The following WDR31 variants were observed in gnomAD, a reference collection of about 807,000 sequenced individuals.
WDR31 encodes WD repeat domain 31.
WDR31 carries 30 observed loss-of-function variants against 47.3 expected under a neutral mutation model. The observed-to-expected ratio is 0.63, with a 90% CI of 0.47 to 0.86. The LOEUF (loss-of-function observed/expected upper bound fraction) is 0.86. Among genes scored for constraint, WDR31 ranks in the 40% least tolerant of loss-of-function variants. The probability of loss-of-function intolerance (pLI) is 0.00; values close to 1 mark genes in which losing one functional copy is unlikely to be tolerated. For synonymous variants in WDR31, 137 were observed against 159.4 expected (o/e 0.86, Z 1.06); for missense variants, 406 against 442.9 (o/e 0.92, Z 0.75).
At position 113,315,930 on chromosome 9, in the gene WDR31, C is replaced by T. The variant is rs1464948407; in HGVS notation, c.*819G>A. The T allele has an allele frequency of 6.6e-6, 1 of 152,146 alleles. No homozygotes were observed. The highest frequency in any genetic ancestry group is 1.5e-5 in the Non-Finnish European group (1 of 68,032). 9.4% of individuals were successfully genotyped at this position (152,146 alleles called of 1,614,324 possible). On this transcript the variant is annotated 3_prime_UTR_variant, in exon 11 of 11. Transcript: ENST00000374193. ...TTGCCTCACTCTGGCCATTCCAAAA[C>T]ATATATATGTTTCATTTATATAAAT... is the stretch of plus-strand genomic sequence containing the variant.
intron 10 of WDR31, 141 bp downstream of exon 10, chr9:113,318,334 G>T (rs890239075): frequency 8.5e-5 from 78 of 917,156 alleles, no homozygotes; most frequent in South Asian, 1.9e-4. Flanking sequence ...ATAGCATCTT[G>T]ACATCACCTC....
rs1464483933 is a variant in WDR31, at chr9:113,320,493, C to T, written c.644G>A (p.Trp215Ter). The change falls in exon 9 of 11, where the codon TGG (tryptophan) becomes TAG (stop). Residue 215 changes from tryptophan (W) to a stop codon, truncating the protein, a stop_gained. Coordinates refer to ENST00000374193, the MANE Select transcript of WDR31 (RefSeq NM_001012361.4). LOFTEE classifies it high-confidence loss of function. ...AGCTACCTGCAGCCCCCGACTGTCC[C>T]ATAATCTGAAAGAGATTAGGGCAGG... The part of the protein sequence containing the change: ...QTSEDKTLRL[W>*]DSRGLQVAHM... 6.2e-7 allele frequency: 1 copy of T among 1,613,544 alleles called. No homozygotes were observed. The highest frequency in any genetic ancestry group is 8.5e-7 in the Non-Finnish European group (1 of 1,179,720).
At position 113,322,884 on chromosome 9, in the gene WDR31, C is replaced by A; in HGVS notation, c.497G>T (p.Arg166Leu). 6.2e-7 allele frequency: 1 copy of A among 1,614,130 alleles called. No individual in the cohort carries two copies. Among genetic ancestry groups the A allele is most frequent in the South Asian group, 1.1e-5 (1 of 91,070 alleles). ...PDSSQLCTGS[R>L]DNTLLLWDVV... ...ATCCCACAGAAGCAGGGTGTTGTCC[C>A]GAGAGCCAGTGCACAGCTGTGATGA... The change falls in exon 7 of 11, where the codon CGG (arginine) becomes CTG (leucine). Residue 166 changes from arginine to leucine, a missense_variant. Arg to Leu is a moderately radical substitution (Grantham distance 102). Coordinates refer to ENST00000374193, the MANE Select transcript of WDR31 (RefSeq NM_001012361.4).
At chr9:113,325,202 G>C (rs1267321064) in intron 5 of WDR31, among the ~76,000 whole-genome samples, 2 of 151,808 alleles carry the variant, frequency 1.3e-5, no homozygotes, top group African/African-American at 2.4e-5. Context: ...TGATCCACCC[G>C]CCTTGGCCTC....
chr9:113,321,369 C>A, intron 8 of WDR31, 142 bp downstream of exon 8: 2 of 779,250 alleles, frequency 2.6e-6, no homozygotes, highest in East Asian at 2.6e-5. Context: ...CAGAGAGGCC[C>A]CAGCACCAGT....
In WDR31 at chr9:113,328,930, G is replaced by A. The variant is rs1181723474; in HGVS notation, c.275C>T (p.Thr92Ile). 6.2e-7 allele frequency: 1 copy of A among 1,613,914 alleles called. No homozygotes were observed. The highest frequency in any genetic ancestry group is 8.5e-7 in the Non-Finnish European group (1 of 1,179,960). ...DKTVVAYNWKTGNVVKRFKGH... is the reference protein window; with the variant it reads ...DKTVVAYNWKIGNVVKRFKGH... ...TTTGAACCTTTTCACCACATTTCCA[G>A]TTTTCCAATTATAGGCCACAACTGT... Residue 92 changes from threonine (T) to isoleucine (I), a missense_variant, in exon 5 of 11, where the codon ACT becomes ATT. Physicochemically the swap from Thr to Ile is moderately conservative, Grantham distance 89. Transcript: ENST00000374193.
intron 2 of WDR31, 25 bp from the exon 3 acceptor site, chr9:113,332,075 T>C: frequency 2.0e-6 from 3 of 1,509,966 alleles, no homozygotes; most frequent in East Asian, 2.3e-5. Context: ...GAAGAATACA[T>C]GTTGTTAATT....
In WDR31 at chr9:113,333,467, C is replaced by T. The variant is rs143985364; in HGVS notation, c.-28-1417G>A. On this transcript the variant is annotated intron_variant, in intron 2 of 10. Coordinates refer to ENST00000374193, the MANE Select transcript of WDR31 (RefSeq NM_001012361.4). ...CGCAATCTCGGCTCACTGCAAGCTC[C>T]GCCTCCCAGGTTCACGCCATTCTCC... Among the ~76,000 whole-genome samples the T allele has an allele frequency of 1.7e-3, 255 of 149,218 alleles. 3 individuals are homozygous for T. In the East Asian group the frequency reaches 0.044, roughly 26 times the overall value.
intron 8 of WDR31, 82 bp downstream of exon 8, chr9:113,321,429 A>G: frequency 1.4e-6 from 2 of 1,384,794 alleles, no homozygotes; most frequent in Non-Finnish European, 2.0e-6. Flanking sequence ...AATGTGGAGA[A>G]TCAGAGTGGG....
At position 113,320,502 on chromosome 9, in the gene WDR31, A is replaced by C. The variant is rs763635129; in HGVS notation, c.639-4T>G. 1 of 1,613,088 alleles carries C rather than the reference A, an allele frequency of 6.2e-7. No individual in the cohort carries two copies. Among genetic ancestry groups the C allele is most frequent in the South Asian group, 1.1e-5 (1 of 90,820 alleles). ...CAGCCCCCGACTGTCCCATAATCTG[A>C]AAGAGATTAGGGCAGGAAATTAGCT... is the stretch of plus-strand genomic sequence containing the variant. On this transcript the variant is annotated splice_polypyrimidine_tract_variant and splice_region_variant and intron_variant, in intron 8 of 10. Coordinates refer to ENST00000374193, the MANE Select transcript of WDR31 (RefSeq NM_001012361.4).
rs1375364601 is a variant in WDR31 at position 113,315,599 on chromosome 9, C to T, written c.*1150G>A. ...CAGGCCTGAGCACCTTGCCCCTCCT[C>T]ACTGAAGGGGGCTTAATGTCTGGGG... is the stretch of plus-strand genomic sequence containing the variant. On this transcript the variant is annotated 3_prime_UTR_variant, in exon 11 of 11. Transcript: ENST00000374193. 1.3e-5 allele frequency: 2 copies of T among 152,202 alleles called. No homozygotes were observed. Among genetic ancestry groups the T allele is most frequent in the African/African-American group, 2.4e-5 (1 of 41,428 alleles). The allele number at this position is 152,202 out of a possible 1,614,324, so 9.4% of individuals were successfully genotyped here.
intron 4 of WDR31, among the ~76,000 whole-genome samples, chr9:113,330,774 A>T (rs1191273896): frequency 6.6e-6 from 1 of 152,188 alleles, no homozygotes; most frequent in East Asian, 1.9e-4. Flanking sequence ...CACTTAACAG[A>T]TAAGACTGAA....
chr9:113,318,511 C>G lies in WDR31; in HGVS notation c.907G>C (p.Asp303His). ...LMPLIATSSH[D>H]CKVKIWNQDT... ...TGGTTCCAAATCTTCACCTTGCAAT[C>G]ATGTGATGAGGTAGCAATTAAAGGC... Residue 303 changes from aspartate (D) to histidine (H), a missense_variant, in exon 10 of 11, where the codon GAT (aspartate) becomes CAT (histidine). Transcript: ENST00000374193. 1.2e-6 allele frequency: 2 copies of G among 1,614,228 alleles called. No homozygotes were observed. Among genetic ancestry groups the G allele is most frequent in the Non-Finnish European group, 1.7e-6 (2 of 1,180,042 alleles).
rs576745914 is a variant in WDR31 at position 113,327,935 on chromosome 9, CAA to C, written c.324+944_324+945del. The stretch of plus-strand genomic sequence containing the variant: ...CAACGGGGAGAGTGAGACTCTATCT[CAA>C]AAAACAAAACAAAAAATTCCTGGCC... On this transcript the variant is annotated intron_variant, in intron 5 of 10. Coordinates refer to ENST00000374193, the MANE Select transcript of WDR31 (RefSeq NM_001012361.4). Among the ~76,000 whole-genome samples, 89 of 151,964 alleles carry C rather than the reference CAA, an allele frequency of 5.9e-4. 2 individuals are homozygous for C. The South Asian group carries it at 9.6e-3, about 16-fold the overall frequency.
chr9:113,323,487 C>T (rs1345356189), intron 5 of WDR31, among the ~76,000 whole-genome samples: 2 of 152,082 alleles, frequency 1.3e-5, no homozygotes, highest in Non-Finnish European at 2.9e-5. Flanking sequence ...GTCTCCAACT[C>T]GTGACCTCAG....
At chr9:113,331,492 A>G (rs1330049694) in intron 3 of WDR31, among the ~76,000 whole-genome samples, 1 of 152,174 alleles carries the variant, frequency 6.6e-6, no homozygotes, top group African/African-American at 2.4e-5. Flanking sequence ...TCTGTTGCCC[A>G]GACTGGAGTG....
intron 5 of WDR31, among the ~76,000 whole-genome samples, chr9:113,325,127 T>A (rs1459848697): frequency 4.0e-5 from 6 of 151,080 alleles, no homozygotes; most frequent in Admixed American, 6.6e-5. Context: ...TTTTTTTTTT[T>A]AATTTTTAGT....
intron 9 of WDR31, among the ~76,000 whole-genome samples, chr9:113,318,931 C>T (rs1157641510): frequency 6.6e-6 from 1 of 152,224 alleles, no homozygotes; most frequent in African/African-American, 2.4e-5. Flanking sequence ...CCCAGTCCTA[C>T]AGCATGATGG....
Position 113,316,704 on chromosome 9 carries a change from A to G in WDR31, c.*45T>C, listed in dbSNP as rs769573208. The stretch of plus-strand genomic sequence containing the variant: ...CTGGGAAAGACACAAAGCCATGCTG[A>G]GGAGGAGCCATGGTTTGATATTGTC... On this transcript the variant is annotated 3_prime_UTR_variant, in exon 11 of 11. Transcript: ENST00000374193. The G allele has an allele frequency of 5.0e-6, 8 of 1,585,494 alleles. No homozygotes were observed. The highest frequency in any genetic ancestry group is 6.0e-6 in the Non-Finnish European group (7 of 1,164,544).
Sources: gnomAD v4.1 joint callset for allele counts (sites outside exome capture counted in the v4.1 genomes callset) on GRCh38, gnomAD v4.1.1 for gene constraint, MANE v1.5 for transcripts, NCBI Gene and HGNC (gene_info 2026-07-23, HGNC 2026-07-21) for gene names.